The following PACSIN1 variants were observed in gnomAD, a reference collection of about 807,000 sequenced individuals.
PACSIN1 encodes the protein protein kinase C and casein kinase substrate in neurons protein 1.
Under a neutral mutation model 59.5 loss-of-function variants are expected in PACSIN1, and 15 were observed. That is an observed-to-expected ratio of 0.25 (90% CI 0.17 to 0.39). The LOEUF (loss-of-function observed/expected upper bound fraction) is 0.39, where lower values mean the gene tolerates loss of function less well. PACSIN1 is among the 10% of genes least tolerant of loss of function. The pLI, the probability that PACSIN1 is intolerant of heterozygous loss-of-function variation, is 1.00. For missense variants in PACSIN1, 420 were observed against 580.2 expected (o/e 0.72, Z 2.84); for synonymous variants, 210 against 220.6 (o/e 0.95, Z 0.42).
At chr6:34,475,643 G>A (rs1450220483) in intron 1 of PACSIN1, among the ~76,000 whole-genome samples, 1 of 152,174 alleles carries the variant, frequency 6.6e-6, no homozygotes, top group Non-Finnish European at 1.5e-5. Context: ...GGCAGCTCCT[G>A]TAAGCCAAGG....
At position 34,506,210 on chromosome 6, in the gene PACSIN1, C is replaced by T. The variant is rs116303688; in HGVS notation, c.-63-20033C>T. ...GAGATTTTCCTGGTTCTTGGTGTGACAAAATTTTTCCTTTTTTATTTTTTT... is the reference window on the plus strand; with the variant it reads ...GAGATTTTCCTGGTTCTTGGTGTGATAAAATTTTTCCTTTTTTATTTTTTT... On this transcript the variant is annotated intron_variant, in intron 1 of 9. Transcript: ENST00000244458. Among the ~76,000 whole-genome samples, 1,124 of 151,922 alleles carry T rather than the reference C, an allele frequency of 7.4e-3. 13 individuals are homozygous for T. Among genetic ancestry groups the T allele is most frequent in the African/African-American group, 0.026 (1,067 of 41,400 alleles).
chr6:34,511,948 G>A (rs891931591), intron 1 of PACSIN1, among the ~76,000 whole-genome samples: 2 of 152,120 alleles, frequency 1.3e-5, no homozygotes, highest in African/African-American at 4.8e-5. Context: ...GCCCTGTGGT[G>A]TGGGCCAGAC....
chr6:34,471,145 G>T (rs1333103433), intron 1 of PACSIN1, among the ~76,000 whole-genome samples: 1 of 151,860 alleles, frequency 6.6e-6, no homozygotes, highest in Non-Finnish European at 1.5e-5. Flanking sequence ...ATGGGGTTTC[G>T]CCATGTTGGC....
At chr6:34,467,980 A>C (rs1377007754) in intron 1 of PACSIN1, among the ~76,000 whole-genome samples, 1 of 152,000 alleles carries the variant, frequency 6.6e-6, no homozygotes, top group Non-Finnish European at 1.5e-5. Context: ...TCCTGGCTTG[A>C]GGGAAGGCCT....
At chr6:34,504,278 A>G (rs62398688) in intron 1 of PACSIN1, among the ~76,000 whole-genome samples, 40,265 of 95,326 alleles carry the variant, frequency 0.42, 7,618 homozygotes, top group Middle Eastern at 0.5. Flanking sequence ...GTGTATATAT[A>G]TATATATATA....
At chr6:34,498,154 C>T (rs1391238289) in intron 1 of PACSIN1, among the ~76,000 whole-genome samples, 2 of 152,122 alleles carry the variant, frequency 1.3e-5, no homozygotes, top group African/African-American at 2.4e-5. Flanking sequence ...CTCTGCCTCC[C>T]GGGTTCAAGT....
intron 1 of PACSIN1, among the ~76,000 whole-genome samples, chr6:34,492,191 T>G (rs1581965474): frequency 1.4e-5 from 2 of 143,714 alleles, no homozygotes; most frequent in Non-Finnish European, 1.5e-5. Flanking sequence ...TGTTCTTTTT[T>G]GACCTTTTTT....
intron 1 of PACSIN1, among the ~76,000 whole-genome samples, chr6:34,492,764 G>C (rs57106758): frequency 0.018 from 2,765 of 152,282 alleles, 60 homozygotes; most frequent in African/African-American, 0.05. Context: ...GCTAAACATT[G>C]AGCACCCAAG....
chr6:34,487,700 G>C (rs1374460231), intron 1 of PACSIN1, among the ~76,000 whole-genome samples: 3 of 152,098 alleles, frequency 2.0e-5, no homozygotes, highest in Admixed American at 2.0e-4. Flanking sequence ...TTGCACCCTC[G>C]CATTGACCAG....
intron 1 of PACSIN1, among the ~76,000 whole-genome samples, chr6:34,512,553 C>A (rs1450572516): frequency 6.6e-6 from 1 of 152,194 alleles, no homozygotes; most frequent in Non-Finnish European, 1.5e-5. Flanking sequence ...CCGGGAGTCC[C>A]CACCCTCCTG....
At chr6:34,474,532 G>C (rs937449905) in intron 1 of PACSIN1, among the ~76,000 whole-genome samples, 1 of 152,146 alleles carries the variant, frequency 6.6e-6, no homozygotes, top group Non-Finnish European at 1.5e-5. Flanking sequence ...GCTCACACCT[G>C]TAATCCCAGC....
At chr6:34,491,012 C>CG (rs1234754265) in intron 1 of PACSIN1, among the ~76,000 whole-genome samples, 1 of 151,964 alleles carries the variant, frequency 6.6e-6, no homozygotes, top group Non-Finnish European at 1.5e-5. Flanking sequence ...GAGTGCTCGC[C>CG]GGGGGTCACT....
intron 1 of PACSIN1, among the ~76,000 whole-genome samples, chr6:34,472,701 C>T (rs1237558147): frequency 6.6e-6 from 1 of 152,172 alleles, no homozygotes; most frequent in African/African-American, 2.4e-5. Context: ...TATATTCCCT[C>T]TCCCTCCTCC....
chr6:34,485,321 G>A (rs942377914), intron 1 of PACSIN1, among the ~76,000 whole-genome samples: 21 of 152,226 alleles, frequency 1.4e-4, no homozygotes, highest in African/African-American at 5.1e-4. Flanking sequence ...CTGGCAGATA[G>A]ACAGTAGGGG....
chr6:34,483,578 C>T (rs1049778788), intron 1 of PACSIN1, among the ~76,000 whole-genome samples: 2 of 149,262 alleles, frequency 1.3e-5, no homozygotes, highest in South Asian at 2.1e-4. Flanking sequence ...GCTCCCTTTA[C>T]GTGGTTTCTG....
chr6:34,529,646 C>T lies in PACSIN1; in HGVS notation c.613-20C>T, dbSNP rs1273492923. 3 of 1,613,188 alleles carry T rather than the reference C, an allele frequency of 1.9e-6. No individual in the cohort carries two copies. In the African/African-American group the frequency reaches 4.0e-5, roughly 22 times the overall value. The stretch of plus-strand genomic sequence containing the variant: ...CAGGCCTGGCTAGGTGTCACCCTCT[C>T]TCCACTCTGGTGCCCACAGACACAG... On this transcript the variant is annotated intron_variant, in intron 5 of 9. Transcript: ENST00000244458. This position sits in a 1 kb window ranked among gnomAD's most constrained non-coding sequence, Gnocchi z 6.3.
rs147263204 is a variant in PACSIN1, at chr6:34,494,359, G to C, written c.-64+28089G>C. Among the ~76,000 whole-genome samples the C allele has an allele frequency of 2.8e-3, 431 of 152,230 alleles. 2 individuals carry two copies. Among genetic ancestry groups the C allele is most frequent in the African/African-American group, 9.6e-3 (399 of 41,542 alleles). On this transcript the variant is annotated intron_variant, in intron 1 of 9. Transcript: ENST00000244458. ...AAATGTTAGACCAGAGCTTCTCCAA[G>C]TTTAATGCACACAGGTGTCTTCTGG...
At chr6:34,473,706 T>C (rs1342125182) in intron 1 of PACSIN1, among the ~76,000 whole-genome samples, 1 of 152,226 alleles carries the variant, frequency 6.6e-6, no homozygotes, top group African/African-American at 2.4e-5. Context: ...TTTCCTCTTC[T>C]GTCTTTTATT....
chr6:34,498,108 C>T (rs901721121), intron 1 of PACSIN1, among the ~76,000 whole-genome samples: 5 of 152,298 alleles, frequency 3.3e-5, no homozygotes, highest in South Asian at 2.1e-4. Context: ...TGTCACCAGG[C>T]TGGAGTGCAG....
Sources: gnomAD v4.1 joint callset for allele counts (sites outside exome capture counted in the v4.1 genomes callset) on GRCh38, gnomAD v4.1.1 for gene constraint, Gnocchi (gnomAD v3.1) non-coding constraint, MANE v1.5 for transcripts, NCBI Gene and HGNC (gene_info 2026-07-23, HGNC 2026-07-21) for gene names.